The following ELP3 variants were observed in gnomAD, a reference collection of about 807,000 sequenced individuals.
ELP3 encodes the protein elongator acetyltransferase complex subunit 3, also known as elongator complex protein 3.
A neutral mutation model predicts 74.9 loss-of-function variants in ELP3; 56 were observed. The observed-to-expected ratio is 0.75, with a 90% CI of 0.60 to 0.93. The LOEUF is 0.93. ELP3 is among the 40% of genes least tolerant of loss of function. The probability of loss-of-function intolerance (pLI) is 0.00; values close to 1 mark genes in which losing one functional copy is unlikely to be tolerated. For synonymous variants in ELP3, 222 were observed against 239.8 expected, an observed-to-expected ratio of 0.93 and a Z score of 0.68; for missense variants, 573 against 686.5, an observed-to-expected ratio of 0.83 and a Z score of 1.85.
At chr8:28,093,438 T>G in intron 1 of ELP3, 1 of 634,536 alleles carries the variant, frequency 1.6e-6, no homozygotes, top group Non-Finnish European at 2.7e-6. Context: ...CCTTCCTCTC[T>G]TCCTCTTTGG....
intron 14 of ELP3, among the ~76,000 whole-genome samples, chr8:28,177,856 C>T (rs578099155): frequency 6.6e-6 from 1 of 152,302 alleles, no homozygotes; most frequent in Admixed American, 6.5e-5. Context: ...GCTCCTAGTA[C>T]ATACTGAGCA....
chr8:28,133,428 C>CTTTTTTTTTTT (rs34048650), intron 9 of ELP3, among the ~76,000 whole-genome samples: 1 of 135,562 alleles, frequency 7.4e-6, no homozygotes, highest in Non-Finnish European at 1.6e-5. Flanking sequence ...CTTTTTTTTC[C>CTTTTTTTTTTT]TTTTTTTTTT....
intron 9 of ELP3, among the ~76,000 whole-genome samples, chr8:28,136,509 A>G (rs1436507349): frequency 6.6e-6 from 1 of 152,212 alleles, no homozygotes; most frequent in Non-Finnish European, 1.5e-5. Context: ...CAGAATATTT[A>G]TTAAAGACCT....
At position 28,137,813 on chromosome 8, in the gene ELP3, C is replaced by A. The variant is rs769394752; in HGVS notation, c.1022C>A (p.Ser341Tyr). 2.5e-6 allele frequency: 4 copies of A among 1,613,988 alleles called. No individual in the cohort carries two copies. Among genetic ancestry groups the A allele is most frequent in the South Asian group, 1.1e-5 (1 of 91,070 alleles). The stretch of plus-strand genomic sequence containing the variant: ...AAATCAGGAAGATATAAGAGTTACT[C>A]TCCTAGTGACCTGGTTGAATTGGTG... ...LWKSGRYKSY[S>Y]PSDLVELVAR... is the part of the protein sequence containing the mutation. The change falls in exon 10 of 15, where the codon TCT becomes TAT. Residue 341 changes from serine to tyrosine, a missense_variant. By Grantham distance (144) the Ser-to-Tyr change is moderately radical (BLOSUM62 -2). Transcript: ENST00000256398.
chr8:28,119,785 C>T (rs1812294849), intron 7 of ELP3, among the ~76,000 whole-genome samples: 2 of 151,686 alleles, frequency 1.3e-5, no homozygotes, highest in Admixed American at 6.6e-5. Context: ...CAGAGGCAGC[C>T]GTTCTTCTGA....
rs200017763 is a variant in ELP3 at position 28,108,000 on chromosome 8, T to C, written c.393+24T>C. ...AGGTACAGTAACTTTGAGGCTGTCC[T>C]GATGAAATGTTGCATCATGCTTTAC... On this transcript the variant is annotated intron_variant, in intron 5 of 14. Transcript: ENST00000256398. The C allele has an allele frequency of 1.7e-4, 270 of 1,591,510 alleles. 2 individuals carry two copies. The African/African-American group carries it at 3.1e-3, about 18-fold the overall frequency.
intron 9 of ELP3, among the ~76,000 whole-genome samples, chr8:28,134,423 G>A (rs543897590): frequency 6.6e-5 from 10 of 152,322 alleles, no homozygotes; most frequent in African/African-American, 2.4e-4. Context: ...GGGAATATGA[G>A]TGGATCATAT....
At chr8:28,090,495 G>GTGTGTT (rs1257409555), upstream of ELP3, 64 of 226,652 alleles carry the variant, frequency 2.8e-4, no homozygotes, top group African/African-American at 1.2e-3. Context: ...GTGTGTGTGT[G>GTGTGTT]TGTGTGTGTG....
intron 11 of ELP3, among the ~76,000 whole-genome samples, chr8:28,156,483 A>G (rs1813833492): frequency 1.3e-5 from 2 of 152,150 alleles, no homozygotes. Flanking sequence ...TCGCTCACAG[A>G]TATTTACTAA....
intron 14 of ELP3, among the ~76,000 whole-genome samples, chr8:28,180,065 C>T (rs1419488062): frequency 2.0e-5 from 3 of 152,010 alleles, no homozygotes; most frequent in Non-Finnish European, 4.4e-5. Flanking sequence ...TTTATTCTTT[C>T]AGACTGTCTT....
intron 1 of ELP3, among the ~76,000 whole-genome samples, chr8:28,094,747 G>A (rs6558036): frequency 0.58 from 88,186 of 151,156 alleles, 27,600 homozygotes; most frequent in East Asian, 0.92. Flanking sequence ...GTCTCAAAAA[G>A]AAAAAGAAAA....
chr8:28,156,521 T>C (rs573578759), intron 11 of ELP3, among the ~76,000 whole-genome samples: 4 of 152,262 alleles, frequency 2.6e-5, no homozygotes, highest in African/African-American at 9.6e-5. Flanking sequence ...GCCCAGGATA[T>C]ACAAAGAGCC....
chr8:28,146,896 G>A (rs1813455251), intron 10 of ELP3, among the ~76,000 whole-genome samples: 1 of 152,184 alleles, frequency 6.6e-6, no homozygotes, highest in Admixed American at 6.5e-5. Context: ...GAGGACATTT[G>A]TGAATTGTCA....
intron 3 of ELP3, among the ~76,000 whole-genome samples, chr8:28,101,348 A>T (rs1415236892): frequency 6.6e-6 from 1 of 151,952 alleles, no homozygotes; most frequent in Non-Finnish European, 1.5e-5. Flanking sequence ...TGAACCCGGG[A>T]GGTGGAGCTT....
At chr8:28,189,368 G>A (rs972291012) in intron 14 of ELP3, among the ~76,000 whole-genome samples, 2 of 152,226 alleles carry the variant, frequency 1.3e-5, no homozygotes, top group Non-Finnish European at 2.9e-5. Context: ...TCCAACACAC[G>A]GGTGCACACG....
At chr8:28,176,823 T>C (rs769359366) in intron 14 of ELP3, among the ~76,000 whole-genome samples, 30 of 152,186 alleles carry the variant, frequency 2.0e-4, no homozygotes, top group Non-Finnish European at 3.7e-4. Context: ...GAAGTGAGAA[T>C]GATGTGTGAC....
Position 28,132,280 on chromosome 8 carries a change from G to C in ELP3, c.782G>C (p.Gly261Ala). ...AGGTAGTGATTTTCTTTCCTTAGGG[G>C]CCACACTGTGAAGGCAGTGTGTGAG... ...YEDVARDTNRGHTVKAVCESF... is the reference protein window; with the variant it reads ...YEDVARDTNRAHTVKAVCESF... The change falls in exon 9 of 15, where the codon GGC (glycine) becomes GCC (alanine). Residue 261 changes from glycine to alanine, a missense_variant and splice_region_variant. Transcript: ENST00000256398. 6.2e-7 allele frequency: 1 copy of C among 1,613,984 alleles called. No individual in the cohort carries two copies. Among genetic ancestry groups the C allele is most frequent in the Non-Finnish European group, 8.5e-7 (1 of 1,179,914 alleles).
chr8:28,188,528 T>C (rs951406718), intron 14 of ELP3, among the ~76,000 whole-genome samples: 1 of 152,100 alleles, frequency 6.6e-6, no homozygotes, highest in Non-Finnish European at 1.5e-5. Flanking sequence ...ACCTACACAA[T>C]GAAACTCCAT....
intron 3 of ELP3, among the ~76,000 whole-genome samples, chr8:28,106,037 C>G (rs1563249147): frequency 1.3e-5 from 2 of 152,156 alleles, no homozygotes. Flanking sequence ...CATAGAATTG[C>G]TTAAAGAAAT....
Sources: gnomAD v4.1 joint callset for allele counts (sites outside exome capture counted in the v4.1 genomes callset) on GRCh38, gnomAD v4.1.1 for gene constraint, MANE v1.5 for transcripts, NCBI Gene and HGNC (gene_info 2026-07-23, HGNC 2026-07-21) for gene names.